ANKRD12: variants seen among roughly 807,000 people sequenced by gnomAD.
ANKRD12 encodes ankyrin repeat domain-containing protein 12.
Under a neutral mutation model 183.4 loss-of-function variants are expected in ANKRD12, and 85 were observed. That is an observed-to-expected ratio of 0.46 (90% CI 0.39 to 0.56). The LOEUF (loss-of-function observed/expected upper bound fraction) is 0.56. Ranked by LOEUF, ANKRD12 falls within the 20% of genes least tolerant of loss-of-function variation. The pLI, the probability that ANKRD12 is intolerant of heterozygous loss-of-function variation, is 0.00. For synonymous variants in ANKRD12, 914 were observed against 800.2 expected, an observed-to-expected ratio of 1.14 and a Z score of -2.40; for missense variants, 2,405 against 2,357.1, an observed-to-expected ratio of 1.02 and a Z score of -0.42.
intron 1 of ANKRD12, among the ~76,000 whole-genome samples, chr18:9,176,731 A>G (rs2033299838): frequency 6.6e-6 from 1 of 152,232 alleles, no homozygotes; most frequent in Non-Finnish European, 1.5e-5. Flanking sequence ...AGCAACTAGA[A>G]TGTTTTGCCT....
chr18:9,210,223 A>T (rs76832478), intron 5 of ANKRD12, among the ~76,000 whole-genome samples: 307 of 152,266 alleles, frequency 2.0e-3, no homozygotes, highest in African/African-American at 7.1e-3. Context: ...AAATTCAGCA[A>T]GCAAATTCTC....
chr18:9,250,756 G>GGCT (rs2038245465), intron 8 of ANKRD12, among the ~76,000 whole-genome samples: 1 of 152,118 alleles, frequency 6.6e-6, no homozygotes, highest in African/African-American at 2.4e-5. Context: ...AACTCTGAAT[G>GGCT]GCTGAATTTC....
intron 4 of ANKRD12, among the ~76,000 whole-genome samples, chr18:9,207,018 T>C (rs995610908): frequency 2.6e-5 from 4 of 152,092 alleles, no homozygotes; most frequent in Admixed American, 6.6e-5. Context: ...TTTCACAATG[T>C]TAAATATATT....
chr18:9,241,642 C>T (rs1324713357), intron 8 of ANKRD12, among the ~76,000 whole-genome samples: 1 of 152,172 alleles, frequency 6.6e-6, no homozygotes, highest in Non-Finnish European at 1.5e-5. Context: ...GAGCATACAG[C>T]ATGGTAGGCA....
intron 1 of ANKRD12, among the ~76,000 whole-genome samples, chr18:9,145,298 T>A (rs2143437646): frequency 1.3e-5 from 2 of 152,284 alleles, no homozygotes; most frequent in Middle Eastern, 3.4e-3. Flanking sequence ...CTGGATGTAG[T>A]GAAGTTTTAA....
chr18:9,282,240 C>A lies in ANKRD12; in HGVS notation c.*1114C>A, dbSNP rs1016671770. 8.5e-5 allele frequency: 13 copies of A among 152,392 alleles called. No individual in the cohort carries two copies. The highest frequency in any genetic ancestry group is 2.7e-4 in the African/African-American group (11 of 41,400). 9.4% of individuals were successfully genotyped at this position (152,392 alleles called of 1,614,324 possible). ...TTGCTTAATGTTTTAAGCTTAATAG[C>A]CTTTGCACTTTTAAAATAAAAACCA... is the stretch of plus-strand genomic sequence containing the variant. On this transcript the variant is annotated 3_prime_UTR_variant, in exon 13 of 13. Transcript: ENST00000262126.
chr18:9,169,471 CTTCT>C (rs1283804935), intron 1 of ANKRD12, among the ~76,000 whole-genome samples: 11 of 152,114 alleles, frequency 7.2e-5, no homozygotes, highest in South Asian at 2.1e-4. Context: ...CTGTAATGGC[CTTCT>C]TTGTCTCTTT....
chr18:9,141,100 T>C (rs2078297682), intron 1 of ANKRD12, among the ~76,000 whole-genome samples: 1 of 151,948 alleles, frequency 6.6e-6, no homozygotes. Context: ...ATGAAAAATG[T>C]TTGGGGGCCA....
chr18:9,161,854 A>ATTAT (rs1025365749), intron 1 of ANKRD12, among the ~76,000 whole-genome samples: 1 of 150,784 alleles, frequency 6.6e-6, no homozygotes. Context: ...ATTTACCTAC[A>ATTAT]TTATTTATTT....
At chr18:9,214,690 A>G (rs1441722256) in intron 6 of ANKRD12, among the ~76,000 whole-genome samples, 2 of 152,142 alleles carry the variant, frequency 1.3e-5, no homozygotes, top group Non-Finnish European at 2.9e-5. Flanking sequence ...TTGCTTGATA[A>G]TGTACTATAA....
intron 9 of ANKRD12, among the ~76,000 whole-genome samples, chr18:9,262,310 T>C (rs142640610): frequency 4.1e-4 from 62 of 152,312 alleles, no homozygotes; most frequent in Non-Finnish European, 7.2e-4. Flanking sequence ...CAAAACATGC[T>C]AAGATATCTT....
intron 3 of ANKRD12, among the ~76,000 whole-genome samples, chr18:9,201,507 A>G (rs979350265): frequency 6.6e-6 from 1 of 152,196 alleles, no homozygotes; most frequent in African/African-American, 2.4e-5. Context: ...TTATTTCTTT[A>G]TTCGTTCCCA....
At chr18:9,154,686 A>G (rs1261940822) in intron 1 of ANKRD12, among the ~76,000 whole-genome samples, 1 of 149,088 alleles carries the variant, frequency 6.7e-6, no homozygotes, top group Non-Finnish European at 1.5e-5. Flanking sequence ...TATTCAAGAG[A>G]TGATGGTGGC....
intron 3 of ANKRD12, 138 bp from the exon 4 acceptor site, chr18:9,204,338 C>A: frequency 1.5e-6 from 1 of 657,398 alleles, no homozygotes; most frequent in Non-Finnish European, 2.6e-6. Context: ...ATAATTTTGG[C>A]TTTACTTTAA....
At chr18:9,160,699 G>A (rs1234656064) in intron 1 of ANKRD12, among the ~76,000 whole-genome samples, 2 of 152,192 alleles carry the variant, frequency 1.3e-5, no homozygotes, top group Admixed American at 1.3e-4. Flanking sequence ...CTGGTAACCA[G>A]GGAAGTTTGC....
rs1195434024 is a variant in ANKRD12, at chr18:9,176,740, C to T, written c.-51-5642C>T. On this transcript the variant is annotated intron_variant, in intron 1 of 12. Coordinates refer to ENST00000262126, the MANE Select transcript of ANKRD12 (RefSeq NM_015208.5). ...CAGAATAGCAACTAGAATGTTTTGC[C>T]TTCATTATAAATAAAATTATTTAGA... 2.6e-5 allele frequency among the ~76,000 whole-genome samples: 4 copies of T among 151,780 alleles called. No individual in the cohort carries two copies. The East Asian group carries it at 5.8e-4, about 22-fold the overall frequency.
intron 10 of ANKRD12, among the ~76,000 whole-genome samples, chr18:9,265,441 G>A (rs1315634392): frequency 6.6e-6 from 1 of 152,154 alleles, no homozygotes; most frequent in Non-Finnish European, 1.5e-5. Flanking sequence ...CCAGAGGAAT[G>A]ATCAGGCAGC....
intron 8 of ANKRD12, among the ~76,000 whole-genome samples, chr18:9,252,834 T>A (rs1307059445): frequency 6.6e-6 from 1 of 152,146 alleles, no homozygotes; most frequent in Admixed American, 6.5e-5. Context: ...AACACATAAT[T>A]TGTGATGTTT....
At position 9,254,944 on chromosome 18, in the gene ANKRD12, A is replaced by G; in HGVS notation, c.1677A>G (p.Lys559=). 1.2e-6 allele frequency: 2 copies of G among 1,600,718 alleles called. No homozygotes were observed. Among genetic ancestry groups the G allele is most frequent in the Non-Finnish European group, 1.7e-6 (2 of 1,175,742 alleles). Residue 559 remains lysine (K), a synonymous_variant, in exon 9 of 13, where the codon AAA becomes AAG. Coordinates refer to ENST00000262126, the MANE Select transcript of ANKRD12 (RefSeq NM_015208.5). ...GLSEKQSTPL[K]QEHTKTCLSP... ...GTGAAAAACAGTCAACACCACTAAA[A>G]CAAGAACATACTAAAACATGTTTAT...
Sources: gnomAD v4.1 joint callset for allele counts (sites outside exome capture counted in the v4.1 genomes callset) on GRCh38, gnomAD v4.1.1 for gene constraint, MANE v1.5 for transcripts, NCBI Gene and HGNC (gene_info 2026-07-23, HGNC 2026-07-21) for gene names.